The following DNAH5 variants were observed in gnomAD, a reference collection of about 807,000 sequenced individuals.
DNAH5 encodes dynein axonemal heavy chain 5.
A neutral mutation model predicts 518.2 loss-of-function variants in DNAH5; 372 were observed. The ratio of observed to expected loss-of-function variants is 0.72; its 90% confidence interval spans 0.66 to 0.78. The LOEUF is 0.78. Ranked by LOEUF, DNAH5 falls within the 30% of genes least tolerant of loss-of-function variation. DNAH5 has a pLI of 0.00. For missense variants in DNAH5, 5,523 were observed against 5,687.0 expected, an observed-to-expected ratio of 0.97 and a Z score of 0.93; for synonymous variants, 2,039 against 2,025.9, an observed-to-expected ratio of 1.01 and a Z score of -0.17.
In DNAH5 at chr5:13,770,832, C is replaced by A. The variant is rs35233147; in HGVS notation, c.9522G>T (p.Thr3174=). Residue 3174 remains threonine (T), a synonymous_variant, in exon 56 of 79, where the codon ACG becomes ACT. Coordinates refer to ENST00000265104, the MANE Select transcript of DNAH5 (RefSeq NM_001369.3). The part of the protein sequence containing the change: ...FQRFRRSTHV[T]PKSYLSFIQG... ...GAATAAAGGAGAGGTATGATTTGGG[C>A]GTCACGTGGGTAGAACGTCGGAATC... 1 of 1,613,968 alleles carries A rather than the reference C, an allele frequency of 6.2e-7. No individual in the cohort carries two copies. Among genetic ancestry groups the A allele is most frequent in the Non-Finnish European group, 8.5e-7 (1 of 1,179,970 alleles).
intron 32 of DNAH5, among the ~76,000 whole-genome samples, chr5:13,842,479 G>GAA (rs1205937412): frequency 3.5e-5 from 4 of 114,470 alleles, no homozygotes; most frequent in African/African-American, 1.5e-4. Context: ...AAGAAAGAAA[G>GAA]AAAGAGAAAG....
At chr5:13,977,395 A>G (rs950010121) in intron 1 of DNAH5, among the ~76,000 whole-genome samples, 1 of 152,048 alleles carries the variant, frequency 6.6e-6, no homozygotes, top group Non-Finnish European at 1.5e-5. Context: ...CATTCAGGCC[A>G]CTCTAACACA....
intron 31 of DNAH5, 127 bp downstream of exon 31, chr5:13,850,525 T>C: frequency 1.3e-6 from 1 of 759,306 alleles, no homozygotes; most frequent in South Asian, 1.6e-5. Flanking sequence ...CAGTTTCATC[T>C]GTGCAACAGC....
intron 15 of DNAH5, among the ~76,000 whole-genome samples, chr5:13,896,956 A>C (rs1171045142): frequency 1.9e-5 from 2 of 107,748 alleles, no homozygotes; most frequent in African/African-American, 8.1e-5. Context: ...TTTTGCCTAG[A>C]GTACTAGGTC....
At position 13,820,473 on chromosome 5, in the gene DNAH5, A is replaced by G. The variant is rs2151814481; in HGVS notation, c.6714T>C (p.His2238=). The G allele has an allele frequency of 1.2e-6, 2 of 1,614,070 alleles. No individual in the cohort carries two copies. Among genetic ancestry groups the G allele is most frequent in the Non-Finnish European group, 1.7e-6 (2 of 1,180,014 alleles). The change falls in exon 41 of 79, where the codon CAT becomes CAC. Residue 2238 remains histidine, a synonymous_variant. Coordinates refer to ENST00000265104, the MANE Select transcript of DNAH5 (RefSeq NM_001369.3). ...RQVEEAGLIN[H]PPWKLKVIQL... Reference sequence around the variant, plus strand: ...GGATGACCTTCAGTTTCCAAGGAGGATGGTTGATTAAACCAGCTTCTTCAA... The same window carrying G: ...GGATGACCTTCAGTTTCCAAGGAGGGTGGTTGATTAAACCAGCTTCTTCAA...
rs1398228448 is a variant in DNAH5, at chr5:13,753,144, T to C, written c.10872+89A>G. On this transcript the variant is annotated intron_variant, in intron 63 of 78. Transcript: ENST00000265104. ...TAGGATTACAAAAACATCTCTAGTG[T>C]TTTCAAATATTTCTTTACTCTTGGA... is the stretch of plus-strand genomic sequence containing the variant. 5.1e-6 allele frequency: 5 copies of C among 971,346 alleles called. No individual in the cohort carries two copies. In the Admixed American group the frequency reaches 9.2e-5, roughly 18 times the overall value. 60.2% of individuals were successfully genotyped at this position (971,346 alleles called of 1,614,324 possible).
rs773382892 is a variant in DNAH5, at chr5:13,708,280, C to T, written c.13181G>A (p.Arg4394Lys). The change falls in exon 76 of 79, where the codon AGG becomes AAG. Residue 4394 changes from arginine to lysine, a missense_variant. Transcript: ENST00000265104. ...CCTTTGCATTCTGTCTATTTCCTGC[C>T]TGAGGAAAATGTTCATAGGCTGGAA... ...GPFQPMNIFL[R>K]QEIDRMQRVL... 6.2e-7 allele frequency: 1 copy of T among 1,614,120 alleles called. No individual in the cohort carries two copies. The highest frequency in any genetic ancestry group is 8.5e-7 in the Non-Finnish European group (1 of 1,180,002).
At chr5:13,964,200 T>C (rs971776269) in intron 1 of DNAH5, among the ~76,000 whole-genome samples, 1 of 152,094 alleles carries the variant, frequency 6.6e-6, no homozygotes, top group African/African-American at 2.4e-5. Context: ...TTGACAATCA[T>C]GGCACCCCAG....
chr5:13,985,280 G>C (rs1782958961), intron 1 of DNAH5, among the ~76,000 whole-genome samples: 1 of 134,020 alleles, frequency 7.5e-6, no homozygotes, highest in African/African-American at 2.8e-5. Context: ...GCCTGTTGTA[G>C]GGTGGGGGGA....
chr5:14,005,826 G>A (rs1055328171), intron 1 of DNAH5, among the ~76,000 whole-genome samples: 15 of 152,192 alleles, frequency 9.9e-5, no homozygotes, highest in Admixed American at 2.0e-4. Context: ...AGTCTGGAGG[G>A]GAAATGGGAA....
In DNAH5 at chr5:13,730,947, G is replaced by A. The variant is rs888943205; in HGVS notation, c.11762-1387C>T. ...ACTCCCGACCCCAGGTGATTTGCCC[G>A]CCTCAGCCTCCCTCCCAAAGCACTG... is the stretch of plus-strand genomic sequence containing the variant. On this transcript the variant is annotated intron_variant, in intron 68 of 78. Coordinates refer to ENST00000265104, the MANE Select transcript of DNAH5 (RefSeq NM_001369.3). Among the ~76,000 whole-genome samples the A allele has an allele frequency of 7.2e-5, 11 of 151,900 alleles. 1 individual carries two copies. The highest frequency in any genetic ancestry group is 8.8e-5 in the Non-Finnish European group (6 of 67,958).
intron 12 of DNAH5, among the ~76,000 whole-genome samples, chr5:13,908,180 A>G (rs1468353817): frequency 3.9e-5 from 6 of 152,190 alleles, no homozygotes; most frequent in African/African-American, 1.4e-4. Context: ...AGCTACTTCT[A>G]CTGGAAGTAT....
intron 27 of DNAH5, among the ~76,000 whole-genome samples, 180 bp from the exon 28 acceptor site, chr5:13,864,817 A>C (rs1476568103): frequency 6.6e-6 from 1 of 152,132 alleles, no homozygotes; most frequent in Non-Finnish European, 1.5e-5. Flanking sequence ...TATTACAGAA[A>C]ATTGTCCTCT....
chr5:13,713,646 G>A (rs941567615), intron 75 of DNAH5, among the ~76,000 whole-genome samples: 6 of 149,174 alleles, frequency 4.0e-5, no homozygotes, highest in South Asian at 2.2e-4. Context: ...CTATGAGGAC[G>A]CAAAGGCATA....
chr5:13,852,920 G>A (rs1234273178), intron 30 of DNAH5, among the ~76,000 whole-genome samples: 1 of 152,208 alleles, frequency 6.6e-6, no homozygotes, highest in Non-Finnish European at 1.5e-5. Flanking sequence ...GCGCCTGGGG[G>A]AAGGGGCAGC....
At chr5:14,004,291 A>T (rs1257972355) in intron 1 of DNAH5, among the ~76,000 whole-genome samples, 1 of 152,198 alleles carries the variant, frequency 6.6e-6, no homozygotes, top group Non-Finnish European at 1.5e-5. Flanking sequence ...GAGCAAAGGG[A>T]GAGATCAGTT....
intron 41 of DNAH5, among the ~76,000 whole-genome samples, chr5:13,819,586 A>G (rs1761954923): frequency 2.0e-5 from 3 of 152,094 alleles, no homozygotes; most frequent in African/African-American, 7.2e-5. Flanking sequence ...GCACTGCTAT[A>G]TATTTTGCAT....
chr5:13,806,667 C>A (rs1759648453), intron 47 of DNAH5, among the ~76,000 whole-genome samples: 2 of 152,122 alleles, frequency 1.3e-5, no homozygotes, highest in African/African-American at 4.8e-5. Context: ...AGATAATTTG[C>A]AAATCACTGA....
chr5:13,722,951 T>C (rs1745251046), intron 70 of DNAH5, among the ~76,000 whole-genome samples: 1 of 152,144 alleles, frequency 6.6e-6, no homozygotes, highest in Non-Finnish European at 1.5e-5. Context: ...CAGGCCCTCT[T>C]TGACAGGACT....
Sources: allele counts gnomAD v4.1 joint callset (sites outside exome capture counted in the v4.1 genomes callset), GRCh38; gene constraint gnomAD v4.1.1; transcripts MANE v1.5; gene names NCBI Gene and HGNC (gene_info 2026-07-23, HGNC 2026-07-21).